The following RTL9 variants were observed in gnomAD, a reference collection of about 807,000 sequenced individuals.
The protein encoded by RTL9 is retrotransposon Gag-like protein 9.
In RTL9, 19 loss-of-function variants were observed where a neutral mutation model predicts 44.7. The observed-to-expected ratio is 0.42, with a 90% CI of 0.30 to 0.62. The LOEUF is 0.62. Ranked by LOEUF, RTL9 falls within the 20% of genes least tolerant of loss-of-function variation. The pLI is 0.16. For synonymous variants in RTL9, 407 were observed against 398.9 expected (o/e 1.02, Z -0.24); for missense variants, 1,105 against 1,080.6 (o/e 1.02, Z -0.32).
intron 1 of RTL9, among the ~76,000 whole-genome samples, chrX:110,440,468 G>C (rs2068872173): frequency 8.9e-6 from 1 of 111,947 alleles, no homozygotes; most frequent in African/African-American, 3.3e-5. Flanking sequence ...CTCAAGCCAT[G>C]AGCTTAGGAG....
chrX:110,411,204 C>A (rs2068639645), intron 1 of RTL9, among the ~76,000 whole-genome samples: 1 of 111,831 alleles, frequency 8.9e-6, no homozygotes, highest in African/African-American at 3.3e-5. Context: ...TTCAAGTGCA[C>A]CAGAGAATGG....
chrX:110,452,963 A>G, exon 1 of RTL9: 1 of 1,211,845 alleles, frequency 8.3e-7, no homozygotes, highest in Non-Finnish European at 1.1e-6. Context: ...AGAGGCCCTC[A>G]CTGCTCACAA....
At chrX:110,392,612 C>A (rs2068502561) in intron 1 of RTL9, among the ~76,000 whole-genome samples, 1 of 111,455 alleles carries the variant, frequency 9.0e-6, no homozygotes, top group South Asian at 3.8e-4. Flanking sequence ...GAAGCCAATA[C>A]CATACATTAA....
intron 1 of RTL9, among the ~76,000 whole-genome samples, chrX:110,373,802 A>C (rs769242572): frequency 2.7e-5 from 3 of 111,938 alleles, no homozygotes; most frequent in Non-Finnish European, 5.6e-5. Flanking sequence ...ACACCAAATA[A>C]ATAGGCCAGA....
upstream of RTL9, among the ~76,000 whole-genome samples, chrX:110,449,814 G>C (rs2068928661): frequency 8.9e-6 from 1 of 112,238 alleles, no homozygotes; most frequent in Non-Finnish European, 1.9e-5. Flanking sequence ...GTAAAATGGG[G>C]ATAATAATAT....
chrX:110,382,944 G>A (rs1323753863), intron 1 of RTL9, among the ~76,000 whole-genome samples: 1 of 111,991 alleles, frequency 8.9e-6, no homozygotes, highest in East Asian at 2.8e-4. Flanking sequence ...GGTGGCCCAT[G>A]GCCTATAAGG....
intron 1 of RTL9, among the ~76,000 whole-genome samples, chrX:110,427,689 C>T (rs776109189): frequency 8.9e-6 from 1 of 112,422 alleles, no homozygotes; most frequent in African/African-American, 3.2e-5. Flanking sequence ...CTGAGAACTA[C>T]TGCTCTATAG....
At chrX:110,384,836 A>G (rs1017285421) in intron 1 of RTL9, among the ~76,000 whole-genome samples, 13 of 110,896 alleles carry the variant, frequency 1.2e-4, no homozygotes, top group African/African-American at 4.3e-4. Flanking sequence ...AATGGGCAGA[A>G]TAAAGAGGTG....
upstream of RTL9, among the ~76,000 whole-genome samples, chrX:110,445,830 T>C (rs1159042718): frequency 8.9e-6 from 1 of 111,803 alleles, no homozygotes; most frequent in Non-Finnish European, 1.9e-5. Context: ...GGGTGGGACG[T>C]GAGGGACCTG....
exon 1 of RTL9, chrX:110,451,602 G>T: frequency 4.1e-6 from 5 of 1,211,680 alleles, no homozygotes; most frequent in Non-Finnish European, 5.6e-6. Context: ...GTCAGTCCCA[G>T]ATGCTGGAGA....
chrX:110,429,080 C>T (rs894902385), intron 1 of RTL9, among the ~76,000 whole-genome samples: 2 of 111,854 alleles, frequency 1.8e-5, no homozygotes, highest in Non-Finnish European at 1.9e-5. Context: ...CCTGTAGATC[C>T]ACCCTGTTCT....
At chrX:110,369,288 C>A (rs1476473716) in intron 1 of RTL9, among the ~76,000 whole-genome samples, 1 of 111,063 alleles carries the variant, frequency 9.0e-6, no homozygotes. Flanking sequence ...GCAGAGATGG[C>A]ACCACTGCAC....
rs765155807 is a variant in RTL9 at position 110,358,895 on chromosome X, A to C, written c.-189A>C. The stretch of plus-strand genomic sequence containing the variant: ...CAGGTCCCAGGAGAAAGTGCCAGCC[A>C]TGAGGACTGGAGTATTGCCTGGTAA... On this transcript the variant is annotated 5_prime_UTR_variant, in exon 1 of 3. The change abolishes an upstream ATG in the 5' untranslated region. Coordinates refer to the RTL9 transcript ENST00000520821. 9.0e-6 allele frequency: 1 copy of C among 111,551 alleles called. No homozygotes were observed. Among genetic ancestry groups the C allele is most frequent in the Non-Finnish European group, 1.9e-5 (1 of 53,139 alleles). The allele number at this position is 111,551 out of a possible 1,213,427, so 9.2% of individuals were successfully genotyped here.
exon 1 of RTL9, chrX:110,451,067 G>C: frequency 8.3e-7 from 1 of 1,211,957 alleles, no homozygotes; most frequent in Non-Finnish European, 1.1e-6. Flanking sequence ...ATTTTGGAAC[G>C]ATGTCCGCAA....
At chrX:110,428,085 G>A (rs763561592) in intron 1 of RTL9, among the ~76,000 whole-genome samples, 12 of 112,287 alleles carry the variant, frequency 1.1e-4, no homozygotes, top group Middle Eastern at 4.6e-3. Context: ...TTCTCTACCA[G>A]TCTGAGAGCT....
At chrX:110,435,138 A>C (rs1237943283) in intron 1 of RTL9, among the ~76,000 whole-genome samples, 6 of 83,839 alleles carry the variant, frequency 7.2e-5, no homozygotes, top group African/African-American at 2.7e-4. Flanking sequence ...GAGGGGGAAG[A>C]AGGAGGGAGT....
intron 1 of RTL9, among the ~76,000 whole-genome samples, chrX:110,386,747 T>G (rs777442621): frequency 7.1e-5 from 8 of 112,185 alleles, no homozygotes; most frequent in Non-Finnish European, 1.3e-4. Flanking sequence ...ATGCACCCTA[T>G]GGTACACTAC....
chrX:110,454,541 G>A (rs1441313569), exon 1 of RTL9: 1 of 1,210,375 alleles, frequency 8.3e-7, no homozygotes, highest in Non-Finnish European at 1.1e-6. Flanking sequence ...TGTACACCGA[G>A]TGCCAGCTGG....
chrX:110,422,258 G>C (rs1329066174), intron 1 of RTL9, among the ~76,000 whole-genome samples: 4 of 112,826 alleles, frequency 3.5e-5, no homozygotes, highest in Non-Finnish European at 7.5e-5. Context: ...TGGCAAGTCA[G>C]ATTACCTGGC....
Sources: gnomAD v4.1 joint callset for allele counts (sites outside exome capture counted in the v4.1 genomes callset) on GRCh38, gnomAD v4.1.1 for gene constraint, MANE v1.5 for transcripts, NCBI Gene and HGNC (gene_info 2026-07-23, HGNC 2026-07-21) for gene names.